The following ZRANB3 variants were observed in gnomAD, a reference collection of about 807,000 sequenced individuals.
ZRANB3 encodes the protein DNA annealing helicase and endonuclease ZRANB3.
Under a neutral mutation model 133.8 loss-of-function variants are expected in ZRANB3, and 125 were observed. The ratio of observed to expected loss-of-function variants is 0.93; its 90% CI spans 0.81 to 1.08. The LOEUF is 1.08. Ranked by LOEUF, ZRANB3 falls within the 50% of genes least tolerant of loss-of-function variation. ZRANB3 has a pLI of 0.00. For missense variants in ZRANB3, 1,229 were observed against 1,275.5 expected, an observed-to-expected ratio of 0.96 and a Z score of 0.56; for synonymous variants, 387 against 432.7, an observed-to-expected ratio of 0.89 and a Z score of 1.31.
chr2:135,373,799 AAGAGG>A, intron 3 of ZRANB3, among the ~76,000 whole-genome samples: 2 of 352 alleles, frequency 5.7e-3, no homozygotes, highest in African/African-American at 0.012. Context: ...AAAGAAAAGA[AAGAGG>A]GGAGGGGAGG....
intron 2 of ZRANB3, among the ~76,000 whole-genome samples, chr2:135,479,923 C>T (rs549535472): frequency 6.6e-6 from 1 of 151,714 alleles, no homozygotes; most frequent in Non-Finnish European, 1.5e-5. Context: ...TATACCTATA[C>T]TTACGATTAA....
chr2:135,240,178 C>T (rs1292938704), intron 12 of ZRANB3, among the ~76,000 whole-genome samples: 1 of 150,878 alleles, frequency 6.6e-6, no homozygotes, highest in East Asian at 2.0e-4. Context: ...CCTGTCTCTA[C>T]AAAAAACAGA....
chr2:135,280,803 TC>T (rs1681069670), intron 8 of ZRANB3, among the ~76,000 whole-genome samples: 1 of 152,260 alleles, frequency 6.6e-6, no homozygotes, highest in African/African-American at 2.4e-5. Flanking sequence ...ACAAAGACTC[TC>T]CTTTGACCTA....
chr2:135,496,848 C>A (rs556064269), intron 2 of ZRANB3, among the ~76,000 whole-genome samples: 2 of 152,134 alleles, frequency 1.3e-5, no homozygotes, highest in Admixed American at 6.5e-5. Context: ...AAGCCCAATG[C>A]GATACCAACT....
chr2:135,409,138 C>G (rs919976197), intron 2 of ZRANB3, among the ~76,000 whole-genome samples: 1 of 151,990 alleles, frequency 6.6e-6, no homozygotes. Flanking sequence ...GAGGAGCAGA[C>G]ACATCATATG....
intron 2 of ZRANB3, among the ~76,000 whole-genome samples, chr2:135,433,255 C>T (rs1488591380): frequency 1.3e-5 from 2 of 151,960 alleles, no homozygotes; most frequent in East Asian, 1.9e-4. Context: ...GGTGTGGTGA[C>T]GTGCGCCTGT....
Position 135,275,654 on chromosome 2 carries a change from T to A in ZRANB3, c.1068A>T (p.Glu356Asp), listed in dbSNP as rs1226103325. The change falls in exon 9 of 21, where the codon GAA (glutamate) becomes GAT (aspartate). Residue 356 changes from glutamate to aspartate, a missense_variant. Transcript: ENST00000264159. ...HHLSMLQACT[E>D]AVIENKTRYI... Reference sequence around the variant, plus strand: ...AACATACCTTATTTTCGATGACTGCTTCTGTGCAAGCTTGGAGCATGCTTA... The same window carrying A: ...AACATACCTTATTTTCGATGACTGCATCTGTGCAAGCTTGGAGCATGCTTA... 6.3e-7 allele frequency: 1 copy of A among 1,591,398 alleles called. No individual in the cohort carries two copies. The highest frequency in any genetic ancestry group is 2.2e-5 in the East Asian group (1 of 44,472).
At chr2:135,310,870 A>T (rs185201770) in intron 8 of ZRANB3, among the ~76,000 whole-genome samples, 2 of 152,152 alleles carry the variant, frequency 1.3e-5, no homozygotes, top group Admixed American at 1.3e-4. Flanking sequence ...CACATGACTG[A>T]TAACCTAAAG....
intron 15 of ZRANB3, among the ~76,000 whole-genome samples, chr2:135,223,682 A>G (rs1240311951): frequency 6.6e-6 from 1 of 152,204 alleles, no homozygotes; most frequent in African/African-American, 2.4e-5. Flanking sequence ...GTAGACATCA[A>G]TAGATATAAC....
intron 2 of ZRANB3, among the ~76,000 whole-genome samples, chr2:135,469,874 T>TGGTGGCGGGCGC (rs1449698994): frequency 1.3e-5 from 2 of 148,954 alleles, no homozygotes; most frequent in Non-Finnish European, 3.0e-5. Context: ...TTAGCGGGCG[T>TGGTGGCGGGCGC]GGTGGCGGGC....
intron 3 of ZRANB3, among the ~76,000 whole-genome samples, chr2:135,370,803 T>C (rs1333261615): frequency 6.6e-6 from 1 of 152,184 alleles, no homozygotes. Context: ...TGAATTGTAA[T>C]AATCTGCATG....
chr2:135,442,613 T>C (rs1424218782), intron 2 of ZRANB3, among the ~76,000 whole-genome samples: 1 of 152,164 alleles, frequency 6.6e-6, no homozygotes, highest in Non-Finnish European at 1.5e-5. Flanking sequence ...GTAAATTAGT[T>C]CAACCATTGT....
At chr2:135,270,553 T>G (rs1454713880) in intron 10 of ZRANB3, among the ~76,000 whole-genome samples, 1 of 152,222 alleles carries the variant, frequency 6.6e-6, no homozygotes, top group African/African-American at 2.4e-5. Context: ...CAGCTCTAAG[T>G]ACTTCATTTC....
At chr2:135,530,901 T>A (rs1320039852) in intron 1 of ZRANB3, among the ~76,000 whole-genome samples, 1 of 152,066 alleles carries the variant, frequency 6.6e-6, no homozygotes, top group Admixed American at 6.5e-5. Flanking sequence ...GGGAAAAGCA[T>A]GTTGGGAATC....
At chr2:135,447,618 T>C (rs1266558612) in intron 2 of ZRANB3, among the ~76,000 whole-genome samples, 1 of 152,170 alleles carries the variant, frequency 6.6e-6, no homozygotes, top group Non-Finnish European at 1.5e-5. Context: ...GACTTATAAT[T>C]CTAGGTAATA....
At chr2:135,447,348 T>G (rs1166093087) in intron 2 of ZRANB3, among the ~76,000 whole-genome samples, 1 of 152,150 alleles carries the variant, frequency 6.6e-6, no homozygotes, top group Non-Finnish European at 1.5e-5. Context: ...CAACACTTTA[T>G]TAAGTTTTAA....
intron 9 of ZRANB3, among the ~76,000 whole-genome samples, chr2:135,273,439 G>A (rs1680634722): frequency 6.6e-6 from 1 of 151,956 alleles, no homozygotes; most frequent in East Asian, 1.9e-4. Flanking sequence ...TAGCCATTAA[G>A]GAAGATTATA....
intron 2 of ZRANB3, among the ~76,000 whole-genome samples, chr2:135,465,785 T>C (rs969804627): frequency 6.6e-6 from 1 of 152,104 alleles, no homozygotes; most frequent in Non-Finnish European, 1.5e-5. Context: ...AAAGGGCCAA[T>C]ATCCAGAATC....
At chr2:135,226,615 C>G (rs1009291268) in intron 14 of ZRANB3, among the ~76,000 whole-genome samples, 1 of 152,156 alleles carries the variant, frequency 6.6e-6, no homozygotes, top group Admixed American at 6.5e-5. Context: ...TTTGTAAGTA[C>G]AAGCTAACAT....
Sources: gnomAD v4.1 joint callset for allele counts (sites outside exome capture counted in the v4.1 genomes callset) on GRCh38, gnomAD v4.1.1 for gene constraint, MANE v1.5 for transcripts, NCBI Gene and HGNC (gene_info 2026-07-23, HGNC 2026-07-21) for gene names.